The following RASA1 variants were observed in gnomAD, a reference collection of about 807,000 sequenced individuals.
The protein encoded by RASA1 is RAS p21 protein activator 1, also known as ras GTPase-activating protein 1.
Under a neutral mutation model 132.2 loss-of-function variants are expected in RASA1, and 25 were observed. The ratio of observed to expected loss-of-function variants is 0.19; its 90% CI spans 0.14 to 0.26. RASA1 has a LOEUF of 0.26. Among genes scored for constraint, RASA1 ranks in the 10% least tolerant of loss-of-function variants. The pLI, the probability that RASA1 is intolerant of heterozygous loss-of-function variation, is 1.00. For synonymous variants in RASA1, 477 were observed against 449.9 expected, an observed-to-expected ratio of 1.06 and a Z score of -0.76; for missense variants, 964 against 1,299.2, an observed-to-expected ratio of 0.74 and a Z score of 3.97.
At chr5:87,270,156 C>T (rs890293714) in intron 1 of RASA1, among the ~76,000 whole-genome samples, 1 of 149,984 alleles carries the variant, frequency 6.7e-6, no homozygotes, top group Non-Finnish European at 1.5e-5. Context: ...GCAGAAGAAT[C>T]GCTTGAACCC....
chr5:87,300,682 T>A (rs1260909080), intron 1 of RASA1, among the ~76,000 whole-genome samples: 1 of 152,216 alleles, frequency 6.6e-6, no homozygotes, highest in Non-Finnish European at 1.5e-5. Flanking sequence ...TGTAAGGATG[T>A]TAAAATGAGT....
chr5:87,388,250 T>C (rs1762204708), intron 23 of RASA1, among the ~76,000 whole-genome samples: 1 of 152,218 alleles, frequency 6.6e-6, no homozygotes, highest in Non-Finnish European at 1.5e-5. Context: ...AGTAACTGTG[T>C]TTCTCTGTCC....
At chr5:87,287,418 AC>A (rs1477668170) in intron 1 of RASA1, among the ~76,000 whole-genome samples, 1 of 147,910 alleles carries the variant, frequency 6.8e-6, no homozygotes, top group African/African-American at 2.5e-5. Flanking sequence ...CCATATATAC[AC>A]CATATATACA....
chr5:87,381,959 G>T (rs1239478912), intron 20 of RASA1, among the ~76,000 whole-genome samples: 7 of 152,060 alleles, frequency 4.6e-5, no homozygotes, highest in African/African-American at 1.7e-4. Flanking sequence ...AGACTTAATT[G>T]TTATTTTTTT....
At chr5:87,371,489 T>C (rs1358651005) in intron 12 of RASA1, among the ~76,000 whole-genome samples, 5 of 152,150 alleles carry the variant, frequency 3.3e-5, no homozygotes, top group Non-Finnish European at 5.9e-5. Flanking sequence ...TCTCTCCTTT[T>C]CCCCAAAGCA....
At chr5:87,272,853 C>A (rs1026389751) in intron 1 of RASA1, among the ~76,000 whole-genome samples, 1 of 152,100 alleles carries the variant, frequency 6.6e-6, no homozygotes, top group African/African-American at 2.4e-5. Flanking sequence ...AATTCCTATT[C>A]CTGAATGTAG....
intron 1 of RASA1, among the ~76,000 whole-genome samples, chr5:87,292,681 C>A (rs1754960132): frequency 1.3e-5 from 2 of 152,062 alleles, no homozygotes; most frequent in African/African-American, 4.8e-5. Context: ...TTGTTGATAT[C>A]CACAAAATAA....
intron 1 of RASA1, among the ~76,000 whole-genome samples, chr5:87,301,654 G>A (rs1755369514): frequency 6.6e-6 from 1 of 151,888 alleles, no homozygotes; most frequent in African/African-American, 2.4e-5. Context: ...GTATTTTTGG[G>A]GGGCTTTATT....
intron 1 of RASA1, among the ~76,000 whole-genome samples, chr5:87,282,239 T>G (rs1754350674): frequency 6.6e-6 from 1 of 152,222 alleles, no homozygotes; most frequent in African/African-American, 2.4e-5. Flanking sequence ...TCCTTATTCT[T>G]TAAAGGTATG....
In RASA1 at chr5:87,338,501, T is replaced by TTATA. The variant is rs3069490; in HGVS notation, c.1017+439_1017+442dup. On this transcript the variant is annotated intron_variant, in intron 5 of 24. Coordinates refer to ENST00000274376, the MANE Select transcript of RASA1 (RefSeq NM_002890.3). ...CATGTGCCACCATGCCCAGCTAATT[T>TTATA]TATATATATATATATATATATATAT... Among the ~76,000 whole-genome samples the TTATA allele has an allele frequency of 5.2e-3, 397 of 75,658 alleles. 7 individuals carry two copies. Among genetic ancestry groups the TTATA allele is most frequent in the East Asian group, 0.011 (22 of 1,922 alleles). The allele number at this position is 75,658 out of a possible 152,430, so 49.6% of individuals were successfully genotyped here.
At chr5:87,372,284 G>A (rs1485315083) in intron 13 of RASA1, 89 bp downstream of exon 13, 2 of 1,211,844 alleles carry the variant, frequency 1.7e-6, no homozygotes, top group Non-Finnish European at 2.4e-6. Context: ...AACTGTTTTG[G>A]ACATCATATG....
intron 15 of RASA1, chr5:87,376,190 G>A (rs1761313810): frequency 4.8e-6 from 3 of 627,596 alleles, no homozygotes; most frequent in African/African-American, 1.8e-5. Context: ...AATCATCTCT[G>A]TACTCTCTAC....
intron 1 of RASA1, among the ~76,000 whole-genome samples, chr5:87,282,553 T>TA (rs1754363599): frequency 1.3e-5 from 2 of 152,336 alleles, no homozygotes; most frequent in South Asian, 4.1e-4. Context: ...TTTACCTGTT[T>TA]GAGATTTGAT....
At chr5:87,337,943 A>T in intron 4 of RASA1, 31 bp from the exon 5 acceptor site, 3 of 1,567,188 alleles carry the variant, frequency 1.9e-6, no homozygotes, top group Non-Finnish European at 2.6e-6. Context: ...AAAATTTTTA[A>T]ATTTAATAAC....
At chr5:87,284,027 G>A (rs764833404) in intron 1 of RASA1, among the ~76,000 whole-genome samples, 9 of 152,096 alleles carry the variant, frequency 5.9e-5, no homozygotes, top group Non-Finnish European at 1.3e-4. Context: ...ACCTCCTTAA[G>A]GTTGAAGGCC....
intron 1 of RASA1, chr5:87,269,224 G>A (rs1207666425): frequency 1.3e-6 from 2 of 1,561,196 alleles, no homozygotes; most frequent in Non-Finnish European, 1.7e-6. Context: ...TCTTTAAGAT[G>A]GAAAGCATGA....
intron 9 of RASA1, among the ~76,000 whole-genome samples, chr5:87,361,593 T>C (rs1760094431): frequency 1.3e-5 from 2 of 152,182 alleles, no homozygotes; most frequent in South Asian, 2.1e-4. Context: ...AAATTGAAGA[T>C]TCATTTATTC....
intron 1 of RASA1, among the ~76,000 whole-genome samples, chr5:87,286,971 A>AT (rs1056540376): frequency 1.3e-5 from 2 of 148,182 alleles, no homozygotes; most frequent in Non-Finnish European, 3.0e-5. Flanking sequence ...TATATACACC[A>AT]TATATATACC....
At chr5:87,281,250 T>G (rs1184310973) in intron 1 of RASA1, among the ~76,000 whole-genome samples, 1 of 151,938 alleles carries the variant, frequency 6.6e-6, no homozygotes, top group Admixed American at 6.6e-5. Context: ...ACACTTTTTT[T>G]TTTTTTTTTG....
Sources: allele counts gnomAD v4.1 joint callset (sites outside exome capture counted in the v4.1 genomes callset), GRCh38; gene constraint gnomAD v4.1.1; transcripts MANE v1.5; gene names NCBI Gene and HGNC (gene_info 2026-07-23, HGNC 2026-07-21).